HSD17B12: variants seen among roughly 807,000 people sequenced by gnomAD.
HSD17B12 encodes hydroxysteroid 17-beta dehydrogenase 12, also known as very-long-chain 3-oxoacyl-CoA reductase.
A neutral mutation model predicts 39.3 loss-of-function variants in HSD17B12; 32 were observed. The ratio of observed to expected loss-of-function variants is 0.81; its 90% CI spans 0.61 to 1.09. The LOEUF is 1.09. HSD17B12 is among the 50% of genes least tolerant of loss of function. The pLI, the probability that HSD17B12 is intolerant of heterozygous loss-of-function variation, is 0.00. For synonymous variants in HSD17B12, 150 were observed against 146.7 expected, an observed-to-expected ratio of 1.02 and a Z score of -0.16; for missense variants, 342 against 382.9, an observed-to-expected ratio of 0.89 and a Z score of 0.89.
At chr11:43,658,207 G>A in the HSD17B12 span, among the ~76,000 whole-genome samples, 1,819 of 152,148 alleles carry the variant, frequency 0.012, 28 homozygotes, top group African/African-American at 0.042. Flanking sequence ...AGGCTTGTGC[G>A]TTCGTCATGT....
intron 3 of HSD17B12, 63 bp downstream of exon 3, chr11:43,754,184 A>G (rs4643069): frequency 0.69 from 752,520 of 1,094,740 alleles, 260,295 homozygotes; most frequent in East Asian, 0.79. Flanking sequence ...CAGTTATCCG[A>G]TACTGACATA....
chr11:43,612,403 G>A, the HSD17B12 span, among the ~76,000 whole-genome samples: 183 of 152,300 alleles, frequency 1.2e-3, no homozygotes, highest in African/African-American at 4.3e-3. Context: ...GGATCTGTGG[G>A]AAAGTCTGGG....
intron 1 of HSD17B12, among the ~76,000 whole-genome samples, chr11:43,737,107 G>T (rs896965561): frequency 5.9e-5 from 9 of 152,056 alleles, no homozygotes; most frequent in Admixed American, 5.2e-4. Flanking sequence ...GTGTTCGGGG[G>T]GAAAAAAGAG....
intron 1 of HSD17B12, among the ~76,000 whole-genome samples, chr11:43,720,625 A>G (rs1157075157): frequency 1.3e-5 from 2 of 152,208 alleles, no homozygotes; most frequent in African/African-American, 4.8e-5. Context: ...CGCATATCCA[A>G]GGAAGGGAAA....
chr11:43,602,687 C>T, the HSD17B12 span, among the ~76,000 whole-genome samples: 2 of 151,884 alleles, frequency 1.3e-5, no homozygotes, highest in African/African-American at 2.4e-5. Context: ...GGGCAATAGG[C>T]GAGGCCTGGA....
At chr11:43,603,064 A>G in the HSD17B12 span, among the ~76,000 whole-genome samples, 1 of 152,210 alleles carries the variant, frequency 6.6e-6, no homozygotes, top group African/African-American at 2.4e-5. Flanking sequence ...CACTGGAAAA[A>G]TGTTGCAGAA....
At chr11:43,623,387 G>GT in the HSD17B12 span, among the ~76,000 whole-genome samples, 27,604 of 147,812 alleles carry the variant, frequency 0.19, 2,993 homozygotes, top group Middle Eastern at 0.27. Flanking sequence ...TTAAAGGTTT[G>GT]TTTTTTTTGT....
At chr11:43,667,640 A>G in the HSD17B12 span, among the ~76,000 whole-genome samples, 1 of 152,224 alleles carries the variant, frequency 6.6e-6, no homozygotes, top group Non-Finnish European at 1.5e-5. Context: ...TGTGACCCAA[A>G]TCTAAACACG....
At chr11:43,810,552 G>A (rs1289096761) in intron 4 of HSD17B12, among the ~76,000 whole-genome samples, 1 of 152,122 alleles carries the variant, frequency 6.6e-6, no homozygotes, top group Non-Finnish European at 1.5e-5. Flanking sequence ...CAACTCTTAA[G>A]AGGATGGCTC....
At chr11:43,606,489 G>A in the HSD17B12 span, among the ~76,000 whole-genome samples, 2 of 152,180 alleles carry the variant, frequency 1.3e-5, no homozygotes, top group Non-Finnish European at 2.9e-5. Flanking sequence ...ATGTTCATTA[G>A]GATTTATAAG....
intron 1 of HSD17B12, among the ~76,000 whole-genome samples, chr11:43,736,961 C>T: frequency 6.6e-6 from 1 of 152,106 alleles, no homozygotes; most frequent in East Asian, 1.9e-4. Flanking sequence ...AATAGATTCC[C>T]AAGAGGAATA....
At chr11:43,658,381 T>C in the HSD17B12 span, among the ~76,000 whole-genome samples, 7 of 152,222 alleles carry the variant, frequency 4.6e-5, no homozygotes, top group African/African-American at 1.7e-4. Flanking sequence ...TGAAGCCTTC[T>C]TCCCTCAACT....
chr11:43,559,233 G>A, the HSD17B12 span, among the ~76,000 whole-genome samples: 2 of 152,106 alleles, frequency 1.3e-5, no homozygotes, highest in African/African-American at 4.8e-5. Flanking sequence ...AATGCTGTGG[G>A]GGAAGTGGTT....
Position 43,680,782 on chromosome 11 carries a change from A to G in HSD17B12, c.-46A>G, listed in dbSNP as rs763211545. 9.7e-6 allele frequency: 15 copies of G among 1,548,126 alleles called. No individual in the cohort carries two copies. In the Admixed American group the frequency reaches 2.0e-4, roughly 21 times the overall value. ...CCGGCGCCTCCTCCTGGATTCATTC[A>G]CTCGCTCTTTTCATTCACGAAGGTA... On this transcript the variant is annotated 5_prime_UTR_variant, in exon 1 of 11. Coordinates refer to ENST00000278353, the MANE Select transcript of HSD17B12 (RefSeq NM_016142.3).
chr11:43,650,383 A>G, the HSD17B12 span, among the ~76,000 whole-genome samples: 1 of 152,198 alleles, frequency 6.6e-6, no homozygotes, highest in Non-Finnish European at 1.5e-5. Context: ...CAAACTCAGT[A>G]ATTAGAGGAA....
chr11:43,682,456 C>T (rs1247242260), intron 1 of HSD17B12, among the ~76,000 whole-genome samples: 1 of 149,400 alleles, frequency 6.7e-6, no homozygotes, highest in East Asian at 2.0e-4. Context: ...GCAAGAGAAT[C>T]GCTTGAACCC....
At chr11:43,603,393 AAT>A in the HSD17B12 span, among the ~76,000 whole-genome samples, 7 of 152,182 alleles carry the variant, frequency 4.6e-5, no homozygotes, top group South Asian at 1.0e-3. Context: ...TTTAGGTTGT[AAT>A]TTGTTTTTTG....
chr11:43,732,456 A>C (rs1372136009), intron 1 of HSD17B12, among the ~76,000 whole-genome samples: 1 of 151,094 alleles, frequency 6.6e-6, no homozygotes, highest in Non-Finnish European at 1.5e-5. Context: ...TATTGGTTGC[A>C]GTCAGCGGTG....
chr11:43,680,764 C>A lies in HSD17B12; in HGVS notation c.-64C>A. On this transcript the variant is annotated 5_prime_UTR_variant, in exon 1 of 11. Transcript: ENST00000278353. ...TCATCCTCACCGTCACGGCCGGCGCCTCCTCCTGGATTCATTCACTCGCTC... is the reference window on the plus strand; with the variant it reads ...TCATCCTCACCGTCACGGCCGGCGCATCCTCCTGGATTCATTCACTCGCTC... 6.8e-7 allele frequency: 1 copy of A among 1,467,326 alleles called. No individual in the cohort carries two copies. The highest frequency in any genetic ancestry group is 9.5e-7 in the Non-Finnish European group (1 of 1,047,528). 90.9% of individuals were successfully genotyped at this position (1,467,326 alleles called of 1,614,324 possible). A position where few individuals can be genotyped will look rare whatever the true frequency, so the allele number is the denominator to read the frequency against.
Sources: gnomAD v4.1 joint callset for allele counts (sites outside exome capture counted in the v4.1 genomes callset) on GRCh38, gnomAD v4.1.1 for gene constraint, MANE v1.5 for transcripts, NCBI Gene and HGNC (gene_info 2026-07-23, HGNC 2026-07-21) for gene names.